NBEA: variants seen among roughly 807,000 people sequenced by gnomAD.
NBEA encodes lysosomal-trafficking regulator 2.
Under a neutral mutation model 343.4 loss-of-function variants are expected in NBEA, and 44 were observed. That is an observed-to-expected ratio of 0.13 (90% CI 0.10 to 0.16). The LOEUF (loss-of-function observed/expected upper bound fraction) is 0.16, where lower values mean the gene tolerates loss of function less well. NBEA is among the 10% of genes least tolerant of loss of function. The pLI, the probability that NBEA is intolerant of heterozygous loss-of-function variation, is 1.00. For synonymous variants in NBEA, 1,175 were observed against 1,238.7 expected (o/e 0.95, Z 1.08); for missense variants, 2,555 against 3,631.3 (o/e 0.70, Z 7.62).
At chr13:35,657,919 G>C (rs927965818) in intron 55 of NBEA, among the ~76,000 whole-genome samples, 2 of 152,032 alleles carry the variant, frequency 1.3e-5, no homozygotes, top group African/African-American at 4.8e-5. Context: ...ATACTGCTAG[G>C]AGGTAAAGAA....
chr13:35,163,617 CAA>C lies in NBEA; in HGVS notation c.4080-724_4080-723del, dbSNP rs56961670. Among the ~76,000 whole-genome samples the C allele has an allele frequency of 8.4e-3, 1,049 of 125,564 alleles. 13 individuals carry two copies. Among genetic ancestry groups the C allele is most frequent in the African/African-American group, 0.027 (996 of 36,290 alleles). The allele number at this position is 125,564 out of a possible 152,430, so 82.4% of individuals were successfully genotyped here. A position where few individuals can be genotyped will look rare whatever the true frequency, so the allele number is the denominator to read the frequency against. ...CTGGGTGACAGCAGAGATCCTTTCT[CAA>C]AAAAAAAAAAAAAATTATATTCTTG... On this transcript the variant is annotated intron_variant, in intron 23 of 58. Transcript: ENST00000379939.
At chr13:35,425,807 C>G (rs1263346582) in intron 38 of NBEA, among the ~76,000 whole-genome samples, 1 of 152,018 alleles carries the variant, frequency 6.6e-6, no homozygotes, top group Non-Finnish European at 1.5e-5. Context: ...TCACTAAGGA[C>G]TTGCTTTATG....
intron 18 of NBEA, among the ~76,000 whole-genome samples, chr13:35,144,556 G>A (rs898649246): frequency 1.1e-4 from 17 of 152,104 alleles, no homozygotes; most frequent in African/African-American, 4.1e-4. Context: ...CTAGTCATGC[G>A]AAACTGCTGC....
chr13:35,110,000 A>G (rs541613962), intron 12 of NBEA, among the ~76,000 whole-genome samples: 3 of 124,802 alleles, frequency 2.4e-5, no homozygotes, highest in Non-Finnish European at 3.4e-5. Context: ...GTTATTAATT[A>G]TTGCCTAAGC....
intron 55 of NBEA, among the ~76,000 whole-genome samples, chr13:35,656,439 A>C (rs2084818084): frequency 6.6e-6 from 1 of 152,210 alleles, no homozygotes. Flanking sequence ...AAATTTGTTG[A>C]TGCTTGTTTA....
intron 25 of NBEA, among the ~76,000 whole-genome samples, chr13:35,170,266 G>C (rs552880098): frequency 6.6e-6 from 1 of 151,804 alleles, no homozygotes; most frequent in East Asian, 1.9e-4. Flanking sequence ...CATTAAATAG[G>C]AATAGATACC....
chr13:35,654,840 T>G lies in NBEA; in HGVS notation c.8036-15T>G. 1.3e-6 allele frequency: 2 copies of G among 1,559,316 alleles called. No homozygotes were observed. Among genetic ancestry groups the G allele is most frequent in the Non-Finnish European group, 1.7e-6 (2 of 1,161,618 alleles). On this transcript the variant is annotated splice_polypyrimidine_tract_variant and intron_variant, in intron 53 of 58. Transcript: ENST00000379939. Reference sequence around the variant, plus strand: ...TGGAATCTTTCTTCAAATGCTTTTTTCCATTTACTTTTAGCCAATAATTCA... The same window carrying G: ...TGGAATCTTTCTTCAAATGCTTTTTGCCATTTACTTTTAGCCAATAATTCA...
intron 1 of NBEA, among the ~76,000 whole-genome samples, chr13:35,025,252 A>G (rs73491545): frequency 0.043 from 6,562 of 152,126 alleles, 250 homozygotes; most frequent in African/African-American, 0.098. Flanking sequence ...CTTTACCAAG[A>G]CCTATGTCTA....
Position 35,584,153 on chromosome 13 carries a change from A to C in NBEA, c.7176+115A>C, listed in dbSNP as rs144562148. 3.0e-4 allele frequency: 323 copies of C among 1,084,478 alleles called. 1 individual carries two copies. The East Asian group carries it at 7.4e-3, about 25-fold the overall frequency. The allele number at this position is 1,084,478 out of a possible 1,614,324, so 67.2% of individuals were successfully genotyped here. On this transcript the variant is annotated intron_variant, in intron 46 of 58. Coordinates refer to ENST00000379939, the MANE Select transcript of NBEA (RefSeq NM_001385012.1). ...ATTAACAAAGATTAGAGACGAGTGA[A>C]GTAGAAATTAAAGATTTCAAAGTAG...
At chr13:35,574,874 C>G (rs1489911027) in intron 45 of NBEA, among the ~76,000 whole-genome samples, 1 of 140,966 alleles carries the variant, frequency 7.1e-6, no homozygotes, top group African/African-American at 2.7e-5. Flanking sequence ...CTCAGCCTCC[C>G]CAGTAGCTGG....
chr13:35,399,671 A>C (rs2042904585), intron 38 of NBEA, among the ~76,000 whole-genome samples: 1 of 152,148 alleles, frequency 6.6e-6, no homozygotes, highest in Non-Finnish European at 1.5e-5. Context: ...AATTTCCTTC[A>C]AGAACTTTTT....
intron 33 of NBEA, among the ~76,000 whole-genome samples, chr13:35,226,966 A>G (rs1018088051): frequency 6.6e-6 from 1 of 152,138 alleles, no homozygotes; most frequent in Non-Finnish European, 1.5e-5. Context: ...ATAAAGCAGT[A>G]AACTTTTTAC....
chr13:35,652,003 A>G (rs2153079855), intron 53 of NBEA, 127 bp downstream of exon 53: 2 of 648,364 alleles, frequency 3.1e-6, no homozygotes, highest in Non-Finnish European at 5.5e-6. Flanking sequence ...ATATCAAATT[A>G]TCATCAAGGA....
At chr13:35,408,252 A>G (rs2043384115) in intron 38 of NBEA, among the ~76,000 whole-genome samples, 1 of 152,198 alleles carries the variant, frequency 6.6e-6, no homozygotes, top group Admixed American at 6.5e-5. Flanking sequence ...AAAGCAAGCA[A>G]TGGAGAAAGG....
At chr13:35,444,462 T>A (rs2045893169) in intron 39 of NBEA, among the ~76,000 whole-genome samples, 1 of 152,036 alleles carries the variant, frequency 6.6e-6, no homozygotes, top group East Asian at 1.9e-4. Flanking sequence ...AATTGCAACA[T>A]TTTATTCTAC....
At chr13:35,568,237 T>C (rs2080227712) in intron 45 of NBEA, among the ~76,000 whole-genome samples, 1 of 152,196 alleles carries the variant, frequency 6.6e-6, no homozygotes, top group African/African-American at 2.4e-5. Flanking sequence ...TTTTATTTTA[T>C]ATAACTCCCT....
At chr13:35,539,288 A>G (rs988769531) in intron 41 of NBEA, among the ~76,000 whole-genome samples, 1 of 152,162 alleles carries the variant, frequency 6.6e-6, no homozygotes. Context: ...CTTAATCATT[A>G]GTAGAAGTTA....
intron 34 of NBEA, among the ~76,000 whole-genome samples, chr13:35,233,940 A>C (rs2075100333): frequency 6.6e-6 from 1 of 152,170 alleles, no homozygotes; most frequent in Non-Finnish European, 1.5e-5. Context: ...CATTTGAGCA[A>C]AACCTTACAT....
chr13:34,980,256 C>T (rs888033920), intron 1 of NBEA, among the ~76,000 whole-genome samples: 15 of 151,536 alleles, frequency 9.9e-5, no homozygotes, highest in African/African-American at 3.6e-4. Context: ...TAGCAACAAT[C>T]CTGGGTATGT....
Sources: allele counts gnomAD v4.1 joint callset (sites outside exome capture counted in the v4.1 genomes callset), GRCh38; gene constraint gnomAD v4.1.1; transcripts MANE v1.5; gene names NCBI Gene and HGNC (gene_info 2026-07-23, HGNC 2026-07-21).